Variants in DCLK1 observed in about 807,000 individuals in gnomAD.
The protein encoded by DCLK1 is doublecortin like kinase 1.
DCLK1 carries 16 observed loss-of-function variants against 86.2 expected under a neutral mutation model. The observed-to-expected ratio is 0.19, with a 90% CI of 0.13 to 0.28. The LOEUF is 0.28. Among genes scored for constraint, DCLK1 ranks in the 10% least tolerant of loss-of-function variants. The probability of loss-of-function intolerance (pLI) is 1.00; values close to 1 mark genes in which losing one functional copy is unlikely to be tolerated. For missense variants in DCLK1, 590 were observed against 940.2 expected, an observed-to-expected ratio of 0.63 and a Z score of 4.87; for synonymous variants, 369 against 370.5, an observed-to-expected ratio of 1.00 and a Z score of 0.05.
At chr13:35,840,971 G>T (rs982988696) in intron 6 of DCLK1, among the ~76,000 whole-genome samples, 4 of 152,198 alleles carry the variant, frequency 2.6e-5, no homozygotes, top group Non-Finnish European at 5.9e-5. Context: ...AGAACAGTGA[G>T]ATCCTTCATC....
intron 3 of DCLK1, among the ~76,000 whole-genome samples, chr13:36,072,255 A>T (rs998262354): frequency 2.6e-5 from 4 of 152,224 alleles, no homozygotes; most frequent in Non-Finnish European, 4.4e-5. Context: ...TGTATGCACA[A>T]GTGTCCCTCT....
chr13:36,076,225 G>T (rs911624500), intron 3 of DCLK1, among the ~76,000 whole-genome samples: 1 of 152,158 alleles, frequency 6.6e-6, no homozygotes, highest in Non-Finnish European at 1.5e-5. Flanking sequence ...ATGAGGTAAG[G>T]TTACCCATTC....
chr13:35,854,502 C>G lies in DCLK1; in HGVS notation c.1032G>C (p.Gln344His). The G allele has an allele frequency of 6.3e-7, 1 of 1,599,656 alleles. No individual in the cohort carries two copies. The highest frequency in any genetic ancestry group is 8.5e-7 in the Non-Finnish European group (1 of 1,172,156). The change falls in exon 6 of 17, where the codon CAG (glutamine) becomes CAC (histidine). Residue 344 changes from glutamine (Q) to histidine (H), a missense_variant. Transcript: ENST00000360631. ...AGCAGCTTGCTTATTTCCTTACCCT[C>G]TGCTTCCGCAGGCTTCCTGGGCTGG... Reference protein sequence around the residue: ...SPTSPGSLRKQRSSQHGGSST... With the variant: ...SPTSPGSLRKHRSSQHGGSST...
chr13:36,051,721 G>A (rs1471370881), intron 3 of DCLK1, among the ~76,000 whole-genome samples: 1 of 152,072 alleles, frequency 6.6e-6, no homozygotes, highest in African/African-American at 2.4e-5. Flanking sequence ...TTACAGTAGT[G>A]AAAAATCAAA....
intron 15 of DCLK1, among the ~76,000 whole-genome samples, chr13:35,801,503 G>GT (rs2086918306): frequency 1.1e-5 from 1 of 88,164 alleles, no homozygotes; most frequent in Admixed American, 1.0e-4. Flanking sequence ...TACAGAAAGG[G>GT]TATTTTTTTT....
chr13:35,929,418 T>C (rs1012117663), intron 4 of DCLK1, among the ~76,000 whole-genome samples: 2 of 152,198 alleles, frequency 1.3e-5, no homozygotes, highest in South Asian at 2.1e-4. Flanking sequence ...CGGTTCTCAA[T>C]AGTTGGGCAG....
At chr13:36,035,775 T>G (rs1178399633) in intron 3 of DCLK1, among the ~76,000 whole-genome samples, 2 of 152,146 alleles carry the variant, frequency 1.3e-5, no homozygotes, top group African/African-American at 2.4e-5. Flanking sequence ...ACGTACATAC[T>G]TTTTTAGGTA....
intron 16 of DCLK1, among the ~76,000 whole-genome samples, chr13:35,780,396 AC>A (rs2086505307): frequency 6.6e-6 from 1 of 152,212 alleles, no homozygotes; most frequent in South Asian, 2.1e-4. Context: ...TTACCACTTC[AC>A]TAAGAGATCC....
chr13:36,092,517 C>T (rs1229071014), intron 3 of DCLK1, among the ~76,000 whole-genome samples: 1 of 124,000 alleles, frequency 8.1e-6, no homozygotes, highest in African/African-American at 3.0e-5. Context: ...GACAGAGTCT[C>T]ACTCTGTCGC....
chr13:36,031,100 C>T (rs1375804042), intron 3 of DCLK1, among the ~76,000 whole-genome samples: 1 of 152,224 alleles, frequency 6.6e-6, no homozygotes, highest in Admixed American at 6.5e-5. Flanking sequence ...GACTCCGTCT[C>T]TGGAGTTTCA....
chr13:35,993,015 G>T (rs1481934861), intron 3 of DCLK1, among the ~76,000 whole-genome samples: 1 of 152,180 alleles, frequency 6.6e-6, no homozygotes, highest in Non-Finnish European at 1.5e-5. Flanking sequence ...AGGCATTCAA[G>T]ATTTTCACAT....
chr13:35,923,783 T>C, intron 4 of DCLK1, among the ~76,000 whole-genome samples: 1 of 152,022 alleles, frequency 6.6e-6, no homozygotes, highest in East Asian at 1.9e-4. Flanking sequence ...AGGGTGACAA[T>C]TTTGTGAAGA....
chr13:35,813,486 T>G (rs2087195148), intron 11 of DCLK1, among the ~76,000 whole-genome samples: 1 of 152,172 alleles, frequency 6.6e-6, no homozygotes, highest in Non-Finnish European at 1.5e-5. Context: ...ATCTAACATA[T>G]AGCCATAGAC....
chr13:36,121,990 T>G (rs978102366), intron 2 of DCLK1, among the ~76,000 whole-genome samples: 1 of 152,164 alleles, frequency 6.6e-6, no homozygotes, highest in Non-Finnish European at 1.5e-5. Flanking sequence ...AAAAAGAAAC[T>G]AGTAAAGTGG....
chr13:36,105,049 G>A lies in DCLK1; in HGVS notation c.723+6820C>T, dbSNP rs569255919. ...TTAATTATCACCCCAATATTATGAG[G>A]TATGCATTATTATGCCATCTTAAAG... On this transcript the variant is annotated intron_variant, in intron 3 of 16. Coordinates refer to ENST00000360631, the MANE Select transcript of DCLK1 (RefSeq NM_001330071.2). Among the ~76,000 whole-genome samples, 4 of 152,100 alleles carry A rather than the reference G, an allele frequency of 2.6e-5. No homozygotes were observed. In the East Asian group the frequency reaches 7.8e-4, roughly 30 times the overall value.
At chr13:36,097,884 T>C (rs1220575087) in intron 3 of DCLK1, among the ~76,000 whole-genome samples, 1 of 152,132 alleles carries the variant, frequency 6.6e-6, no homozygotes, top group East Asian at 1.9e-4. Flanking sequence ...TTTTATATAC[T>C]TAAAGTATTT....
intron 3 of DCLK1, among the ~76,000 whole-genome samples, chr13:36,012,567 C>T (rs1249248513): frequency 6.9e-6 from 1 of 143,958 alleles, no homozygotes; most frequent in Non-Finnish European, 1.5e-5. Context: ...CCACTCTCTT[C>T]TGGCTTGTAG....
chr13:35,893,432 A>C (rs909134522), intron 4 of DCLK1, among the ~76,000 whole-genome samples: 3 of 152,246 alleles, frequency 2.0e-5, no homozygotes, highest in Non-Finnish European at 2.9e-5. Context: ...CCATTTATTG[A>C]GCACTTCCTG....
intron 6 of DCLK1, chr13:35,848,376 A>G: frequency 1.0e-6 from 1 of 985,100 alleles, no homozygotes; most frequent in Non-Finnish European, 1.2e-6. Context: ...AGAGATCTCA[A>G]AGACTATAAA....
Sources: gnomAD v4.1 joint callset for allele counts (sites outside exome capture counted in the v4.1 genomes callset) on GRCh38, gnomAD v4.1.1 for gene constraint, MANE v1.5 for transcripts, NCBI Gene and HGNC (gene_info 2026-07-23, HGNC 2026-07-21) for gene names.